TMEM178B: variants seen among roughly 807,000 people sequenced by gnomAD.
TMEM178B encodes transmembrane protein 178B.
A neutral mutation model predicts 31.0 loss-of-function variants in TMEM178B; 5 were observed. The observed-to-expected ratio is 0.16, with a 90% confidence interval of 0.08 to 0.34. TMEM178B has a LOEUF of 0.34. Among genes scored for constraint, TMEM178B ranks in the 10% least tolerant of loss-of-function variants. TMEM178B has a pLI of 1.00. For missense variants in TMEM178B, 275 were observed against 400.3 expected (o/e 0.69, Z 2.67); for synonymous variants, 164 against 164.0 (o/e 1.00, Z 0.00).
At chr7:141,295,583 A>G (rs1221131175) in intron 2 of TMEM178B, among the ~76,000 whole-genome samples, 2 of 152,210 alleles carry the variant, frequency 1.3e-5, no homozygotes, top group Admixed American at 6.5e-5. Flanking sequence ...ATGAAGAGGC[A>G]GAAGCAGCAG....
At chr7:141,317,873 A>G (rs1476574137) in intron 2 of TMEM178B, among the ~76,000 whole-genome samples, 2 of 152,194 alleles carry the variant, frequency 1.3e-5, no homozygotes, top group South Asian at 4.1e-4. Flanking sequence ...GTAAATTGTA[A>G]CTGCGATGGT....
At position 141,094,960 on chromosome 7, in the gene TMEM178B, T is replaced by G. The variant is rs865879384; in HGVS notation, c.382+20268T>G. On this transcript the variant is annotated intron_variant, in intron 1 of 3. Coordinates refer to ENST00000565468, the MANE Select transcript of TMEM178B (RefSeq NM_001195278.2). The stretch of plus-strand genomic sequence containing the variant: ...TGTTAAGTTCTTTTTAAAAACGAAG[T>G]GCAATAATTCCTTGTAACCTCCCCA... 1.8e-4 allele frequency among the ~76,000 whole-genome samples: 28 copies of G among 152,342 alleles called. 1 individual carries two copies. The Middle Eastern group carries it at 0.01, about 56-fold the overall frequency.
intron 2 of TMEM178B, among the ~76,000 whole-genome samples, chr7:141,264,994 A>G (rs1466867977): frequency 6.6e-6 from 1 of 152,000 alleles, no homozygotes; most frequent in African/African-American, 2.4e-5. Flanking sequence ...CTAATGGGGG[A>G]GATATTATTC....
intron 2 of TMEM178B, among the ~76,000 whole-genome samples, chr7:141,421,108 C>T (rs974668429): frequency 6.6e-6 from 1 of 152,154 alleles, no homozygotes; most frequent in African/African-American, 2.4e-5. Context: ...CTCATTTTTC[C>T]TGCCATATTG....
At chr7:141,431,164 A>C (rs1586955378) in intron 2 of TMEM178B, 1 of 135,844 alleles carries the variant, frequency 7.4e-6, no homozygotes. Flanking sequence ...TACCCTCACC[A>C]TTTCTGTTTT....
chr7:141,143,702 T>A (rs1229642861), intron 1 of TMEM178B, among the ~76,000 whole-genome samples: 1 of 152,088 alleles, frequency 6.6e-6, no homozygotes, highest in Non-Finnish European at 1.5e-5. Flanking sequence ...TATTCATACT[T>A]TTTTTTGGGT....
chr7:141,173,781 A>T (rs1161005251), intron 1 of TMEM178B, among the ~76,000 whole-genome samples: 3 of 152,148 alleles, frequency 2.0e-5, no homozygotes, highest in Non-Finnish European at 4.4e-5. Flanking sequence ...CCATTGCCAT[A>T]TTAAGTCTCT....
At chr7:141,083,852 C>T (rs1020312016) in intron 1 of TMEM178B, among the ~76,000 whole-genome samples, 13 of 150,608 alleles carry the variant, frequency 8.6e-5, no homozygotes, top group African/African-American at 2.7e-4. Context: ...TGGAATACTT[C>T]GTAGCCAAGG....
chr7:141,100,334 T>C (rs1795034702), intron 1 of TMEM178B, among the ~76,000 whole-genome samples: 1 of 152,204 alleles, frequency 6.6e-6, no homozygotes, highest in South Asian at 2.1e-4. Flanking sequence ...AACTTTTGAT[T>C]GAGTGGTCGT....
At chr7:141,232,679 C>G (rs547898233) in intron 2 of TMEM178B, among the ~76,000 whole-genome samples, 2 of 152,276 alleles carry the variant, frequency 1.3e-5, no homozygotes, top group East Asian at 3.9e-4. Flanking sequence ...CCCATGTAAC[C>G]TTAGAGGCTC....
intron 2 of TMEM178B, among the ~76,000 whole-genome samples, chr7:141,248,637 T>G (rs1212001596): frequency 1.3e-5 from 2 of 152,152 alleles, no homozygotes; most frequent in Non-Finnish European, 2.9e-5. Flanking sequence ...TATTTGTATA[T>G]CGAAATATAG....
At chr7:141,375,124 C>T (rs928571212) in intron 2 of TMEM178B, among the ~76,000 whole-genome samples, 2 of 152,186 alleles carry the variant, frequency 1.3e-5, no homozygotes, top group African/African-American at 4.8e-5. Context: ...CTTGATTTAC[C>T]GGATGATGGT....
At chr7:141,123,103 C>G (rs1795435696) in intron 1 of TMEM178B, among the ~76,000 whole-genome samples, 2 of 152,220 alleles carry the variant, frequency 1.3e-5, no homozygotes, top group Admixed American at 6.5e-5. Context: ...TAAGGCTCTT[C>G]TGAGTGTCCT....
rs548396994 is a variant in TMEM178B, at chr7:141,101,165, G to A, written c.382+26473G>A. On this transcript the variant is annotated intron_variant, in intron 1 of 3. Coordinates refer to ENST00000565468, the MANE Select transcript of TMEM178B (RefSeq NM_001195278.2). ...TTAGATAAGCCACCAAATTCAGAGT[G>A]TAACCTGTAAATCTGGGAAAAAAAT... Among the ~76,000 whole-genome samples the A allele has an allele frequency of 4.1e-4, 63 of 152,310 alleles. 1 individual carries two copies. In the South Asian group the frequency reaches 5.6e-3, roughly 14 times the overall value.
chr7:141,397,287 G>T (rs185306379), intron 2 of TMEM178B, among the ~76,000 whole-genome samples: 1 of 152,120 alleles, frequency 6.6e-6, no homozygotes, highest in African/African-American at 2.4e-5. Context: ...GACAAGAAAA[G>T]GTTCTTCTCT....
intron 1 of TMEM178B, among the ~76,000 whole-genome samples, chr7:141,203,974 G>A (rs1457094905): frequency 6.6e-6 from 1 of 152,170 alleles, no homozygotes; most frequent in Non-Finnish European, 1.5e-5. Context: ...AGGGCCTTGG[G>A]AGAACCAAAA....
intron 1 of TMEM178B, among the ~76,000 whole-genome samples, chr7:141,122,495 G>T (rs1795426150): frequency 6.6e-6 from 1 of 152,170 alleles, no homozygotes; most frequent in African/African-American, 2.4e-5. Flanking sequence ...TGAAACAAAG[G>T]GATGTTGATT....
At chr7:141,415,565 TCTCCAGGGGCCGAGAGGAGG>T (rs980721219) in intron 2 of TMEM178B, 2 of 152,518 alleles carry the variant, frequency 1.3e-5, no homozygotes, top group Non-Finnish European at 2.9e-5. Flanking sequence ...AGAGGCAGCA[TCTCCAGGGGCCGAGAGGAGG>T]AGCTGCAAAA....
chr7:141,348,967 C>T (rs115829099), intron 2 of TMEM178B, among the ~76,000 whole-genome samples: 1,567 of 152,184 alleles, frequency 0.01, 31 homozygotes, highest in African/African-American at 0.035. Flanking sequence ...CGCTGATTGA[C>T]AGGACCATGA....
Sources: allele counts gnomAD v4.1 joint callset (sites outside exome capture counted in the v4.1 genomes callset), GRCh38; gene constraint gnomAD v4.1.1; transcripts MANE v1.5; gene names NCBI Gene and HGNC (gene_info 2026-07-23, HGNC 2026-07-21).